Variants in WDR93 observed in about 807,000 individuals in gnomAD.
WDR93 encodes WD repeat domain 93.
In WDR93, 73 loss-of-function variants were observed where a neutral mutation model predicts 82.9. That is an observed-to-expected ratio of 0.88 (90% CI 0.73 to 1.07). The LOEUF is 1.07. Ranked by LOEUF, WDR93 falls within the 50% of genes least tolerant of loss-of-function variation. The pLI, the probability that WDR93 is intolerant of heterozygous loss-of-function variation, is 0.00. For synonymous variants in WDR93, 283 were observed against 300.1 expected, an observed-to-expected ratio of 0.94 and a Z score of 0.59; for missense variants, 738 against 826.0, an observed-to-expected ratio of 0.89 and a Z score of 1.31.
At chr15:89,713,124 TAAAA>T (rs77944900) in intron 5 of WDR93, among the ~76,000 whole-genome samples, 1 of 97,724 alleles carries the variant, frequency 1.0e-5, no homozygotes, top group African/African-American at 3.8e-5. Context: ...AACTCCATCT[TAAAA>T]AAAAAAAAAA....
At chr15:89,715,842 C>T (rs190259933) in intron 6 of WDR93, among the ~76,000 whole-genome samples, 20 of 152,262 alleles carry the variant, frequency 1.3e-4, no homozygotes, top group Non-Finnish European at 2.8e-4. Context: ...CCTCGGCCTC[C>T]CAAAGTGCTG....
chr15:89,714,046 T>C (rs1290717714), intron 5 of WDR93, among the ~76,000 whole-genome samples: 1 of 152,232 alleles, frequency 6.6e-6, no homozygotes, highest in Non-Finnish European at 1.5e-5. Context: ...CATGTTTCTT[T>C]GACAAGATAA....
chr15:89,743,478 C>A lies in WDR93; in HGVS notation c.*87C>A. 1 of 1,277,550 alleles carries A rather than the reference C, an allele frequency of 7.8e-7. No homozygotes were observed. Among genetic ancestry groups the A allele is most frequent in the Non-Finnish European group, 1.1e-6 (1 of 893,188 alleles). The allele number at this position is 1,277,550 out of a possible 1,614,324, so 79.1% of individuals were successfully genotyped here. On this transcript the variant is annotated 3_prime_UTR_variant, in exon 17 of 17. Coordinates refer to ENST00000268130, the MANE Select transcript of WDR93 (RefSeq NM_020212.2). ...GACACTGAGGCCAAGAGAAATGTAA[C>A]AGAGCCACAGCTCCACAGGCCTGCA...
intron 8 of WDR93, among the ~76,000 whole-genome samples, chr15:89,724,175 C>A (rs1266367581): frequency 2.0e-5 from 3 of 150,052 alleles, no homozygotes; most frequent in Admixed American, 6.6e-5. Context: ...CCCATCTCCA[C>A]AAAAAAAAAT....
At chr15:89,690,774 A>G (rs1561725), upstream of WDR93, 489,156 of 575,724 alleles carry the variant, frequency 0.85, 214,500 homozygotes, top group Middle Eastern at 0.94. Context: ...GGGGGCGGGC[A>G]CACTTTCTGT....
At chr15:89,706,218 TC>T (rs1237979944) in intron 4 of WDR93, among the ~76,000 whole-genome samples, 2 of 152,140 alleles carry the variant, frequency 1.3e-5, no homozygotes, top group East Asian at 3.9e-4. Flanking sequence ...ACCTTTTGAA[TC>T]CCCTTTTCCC....
At chr15:89,706,702 T>G (rs1390925939) in intron 4 of WDR93, among the ~76,000 whole-genome samples, 1 of 152,152 alleles carries the variant, frequency 6.6e-6, no homozygotes, top group Non-Finnish European at 1.5e-5. Context: ...TTTTGCTACC[T>G]TGGGGCAGGC....
At position 89,703,021 on chromosome 15, in the gene WDR93, A is replaced by C; in HGVS notation, c.375A>C (p.Ser125=). ...YVFIGGAKGF[S]IYNLYSAKQI... is the part of the protein sequence containing the mutation. ...TTATTGGAGGAGCCAAAGGATTCTC[A>C]ATTTATAATCTGTACAGTGCTAAAC... Residue 125 remains serine (S), a synonymous_variant, in exon 3 of 17, where the codon TCA becomes TCC. Coordinates refer to ENST00000268130, the MANE Select transcript of WDR93 (RefSeq NM_020212.2). The C allele has an allele frequency of 6.2e-7, 1 of 1,614,210 alleles. No individual in the cohort carries two copies. Among genetic ancestry groups the C allele is most frequent in the African/African-American group, 1.3e-5 (1 of 75,056 alleles).
intron 8 of WDR93, among the ~76,000 whole-genome samples, chr15:89,725,852 G>A (rs1254443183): frequency 1.3e-5 from 2 of 152,092 alleles, no homozygotes; most frequent in East Asian, 1.9e-4. Flanking sequence ...ATGAGCTACC[G>A]CACCCAGCCG....
rs555791810 is a variant in WDR93 at position 89,702,128 on chromosome 15, A to C, written c.303+79A>C. ...AATGAAATCCCCTGATCCAGGAAGGAATTCCTACTAGAAAGCTGCATTCAA... is the reference window on the plus strand; with the variant it reads ...AATGAAATCCCCTGATCCAGGAAGGCATTCCTACTAGAAAGCTGCATTCAA... On this transcript the variant is annotated intron_variant, in intron 2 of 16. Coordinates refer to ENST00000268130, the MANE Select transcript of WDR93 (RefSeq NM_020212.2). The C allele has an allele frequency of 8.5e-5, 123 of 1,438,894 alleles. No homozygotes were observed. In the African/African-American group the frequency reaches 1.4e-3, roughly 17 times the overall value. The allele number at this position is 1,438,894 out of a possible 1,614,324, so 89.1% of individuals were successfully genotyped here.
chr15:89,690,668 T>C (rs1431291923), upstream of WDR93: 3 of 1,521,352 alleles, frequency 2.0e-6, no homozygotes, highest in East Asian at 4.9e-5. Context: ...CGCACGGGGC[T>C]CAGGCGTGGG....
intron 1 of WDR93, among the ~76,000 whole-genome samples, chr15:89,691,225 G>C (rs1964862365): frequency 6.6e-6 from 1 of 152,174 alleles, no homozygotes; most frequent in Admixed American, 6.5e-5. Flanking sequence ...GATGAAGTGA[G>C]AAAATGTTCT....
chr15:89,730,567 G>A (rs1039571744), intron 11 of WDR93, among the ~76,000 whole-genome samples: 3 of 152,144 alleles, frequency 2.0e-5, no homozygotes, highest in Non-Finnish European at 4.4e-5. Context: ...AAATTGAAAC[G>A]CACTAAGGAA....
Position 89,729,027 on chromosome 15 carries a change from G to A in WDR93, c.1057G>A (p.Ala353Thr). 1 of 1,614,034 alleles carries A rather than the reference G, an allele frequency of 6.2e-7. No individual in the cohort carries two copies. The highest frequency in any genetic ancestry group is 8.5e-7 in the Non-Finnish European group (1 of 1,179,914). ...REWEEEPLSTATFYFLLPSCL... is the reference protein window; with the variant it reads ...REWEEEPLSTTTFYFLLPSCL... ...TCGTGTGTCTTTCTTTCCCAGTACG[G>A]CCACCTTCTATTTCCTTCTTCCTAG... The change falls in exon 10 of 17, where the codon GCC (alanine) becomes ACC (threonine). Residue 353 changes from alanine (A) to threonine (T), a missense_variant. By Grantham distance (58) the Ala-to-Thr change is moderately conservative (BLOSUM62 0). Transcript: ENST00000268130.
rs1176343827 is a variant in WDR93 at position 89,735,486 on chromosome 15, A to G, written c.1545-4A>G. ...AGAATGTCTGTATATTTTCTGTCCT[A>G]TAGGCCTGTAAAGCACCTGGATAAA... On this transcript the variant is annotated splice_region_variant and splice_polypyrimidine_tract_variant and intron_variant, in intron 13 of 16. Transcript: ENST00000268130. 1.1e-5 allele frequency: 18 copies of G among 1,613,986 alleles called. No homozygotes were observed. The African/African-American group carries it at 1.6e-4, about 14-fold the overall frequency.
At chr15:89,740,858 G>T (rs911350117) in intron 16 of WDR93, among the ~76,000 whole-genome samples, 1 of 151,904 alleles carries the variant, frequency 6.6e-6, no homozygotes, top group Non-Finnish European at 1.5e-5. Flanking sequence ...GTGTTAAATT[G>T]GCCGGGCGCG....
chr15:89,728,909 C>T, intron 9 of WDR93, 114 bp from the exon 10 acceptor site: 1 of 900,852 alleles, frequency 1.1e-6, no homozygotes, highest in Non-Finnish European at 1.9e-6. Context: ...GCCTTCTTAC[C>T]CCTGGGAAGG....
chr15:89,702,160 A>G, intron 2 of WDR93, 111 bp downstream of exon 2: 1 of 1,246,052 alleles, frequency 8.0e-7, no homozygotes, highest in Non-Finnish European at 1.1e-6. Flanking sequence ...TCAATAAGTC[A>G]GTGCATTTTT....
At chr15:89,690,717 C>G, upstream of WDR93, 1 of 954,704 alleles carries the variant, frequency 1.0e-6, no homozygotes, top group Non-Finnish European at 1.6e-6. Flanking sequence ...AACGGTCAGT[C>G]CCAGGTTATC....
Sources: gnomAD v4.1 joint callset for allele counts (sites outside exome capture counted in the v4.1 genomes callset) on GRCh38, gnomAD v4.1.1 for gene constraint, MANE v1.5 for transcripts, NCBI Gene and HGNC (gene_info 2026-07-23, HGNC 2026-07-21) for gene names.